HIP1: variants seen among roughly 807,000 people sequenced by gnomAD.
HIP1 encodes huntingtin interacting protein 1.
A neutral mutation model predicts 147.6 loss-of-function variants in HIP1; 65 were observed. That is an observed-to-expected ratio of 0.44 (90% CI 0.36 to 0.54). The LOEUF (loss-of-function observed/expected upper bound fraction) is 0.54, where lower values mean the gene tolerates loss of function less well. Ranked by LOEUF, HIP1 falls within the 20% of genes least tolerant of loss-of-function variation. HIP1 has a pLI of 0.00. For missense variants in HIP1, 1,061 were observed against 1,299.6 expected, an observed-to-expected ratio of 0.82 and a Z score of 2.82; for synonymous variants, 479 against 504.0, an observed-to-expected ratio of 0.95 and a Z score of 0.67.
In HIP1 at chr7:75,538,180, T is replaced by G; in HGVS notation, c.3106A>C (p.Lys1036Gln). The change falls in exon 31 of 31, where the codon AAA becomes CAA. Residue 1036 changes from lysine (K) to glutamine (Q), a missense_variant. Lys to Gln is a moderately conservative substitution (Grantham distance 53). Transcript: ENST00000336926. ...PPTLQEVVTEKE is the reference protein window; with the variant it reads ...PPTLQEVVTEQE The stretch of plus-strand genomic sequence containing the variant: ...GGGGTGTTGGTTTGGCTCTATTCTT[T>G]TTCGGTTACCACTTCTTGCAGTGTA... 1 of 1,612,570 alleles carries G rather than the reference T, an allele frequency of 6.2e-7. No homozygotes were observed. The highest frequency in any genetic ancestry group is 8.5e-7 in the Non-Finnish European group (1 of 1,178,668).
chr7:75,616,085 C>CAAAAAAAAAAAAAAAAAAAA (rs71098042), intron 1 of HIP1, among the ~76,000 whole-genome samples: 5 of 35,292 alleles, frequency 1.4e-4, no homozygotes, highest in Non-Finnish European at 2.1e-4. Flanking sequence ...GACTCTGTCT[C>CAAAAAAAAAAAAAAAAAAAA]AAAAAAAAAA....
chr7:75,558,145 T>C lies in HIP1; in HGVS notation c.1464+22A>G. The C allele has an allele frequency of 3.7e-6, 6 of 1,601,182 alleles. No individual in the cohort carries two copies. The South Asian group carries it at 6.6e-5, about 18-fold the overall frequency. On this transcript the variant is annotated intron_variant, in intron 15 of 30. Coordinates refer to ENST00000336926, the MANE Select transcript of HIP1 (RefSeq NM_005338.7). ...TAGAGGTGCAGGGCCTGCAGGATGG[T>C]GACAGGGGCTGAGGGTCTTACCTTC...
intron 1 of HIP1, among the ~76,000 whole-genome samples, chr7:75,606,808 C>T (rs1554503903): frequency 6.6e-6 from 1 of 152,014 alleles, no homozygotes; most frequent in Non-Finnish European, 1.5e-5. Flanking sequence ...TAGACCAGGC[C>T]CCTTTGTATG....
At chr7:75,580,061 C>G (rs1290944566) in intron 7 of HIP1, among the ~76,000 whole-genome samples, 1 of 152,196 alleles carries the variant, frequency 6.6e-6, no homozygotes, top group Non-Finnish European at 1.5e-5. Context: ...GGAGGCACCA[C>G]AGTTCTTGGC....
chr7:75,682,095 G>T lies in HIP1; in HGVS notation c.120+56706C>A, dbSNP rs193145464. 8.8e-4 allele frequency among the ~76,000 whole-genome samples: 120 copies of T among 135,818 alleles called. No individual in the cohort carries two copies. The Middle Eastern group carries it at 0.014, about 15-fold the overall frequency. 89.1% of individuals were successfully genotyped at this position (135,818 alleles called of 152,430 possible). A position where few individuals can be genotyped will look rare whatever the true frequency, so the allele number is the denominator to read the frequency against. On this transcript the variant is annotated intron_variant, in intron 1 of 30. Transcript: ENST00000336926. ...CCAGGCTGGAGTGCAATGGTACCTG[G>T]GATTACGGGCACACCACCACACCCA...
chr7:75,675,423 A>T (rs1428385502), intron 1 of HIP1, among the ~76,000 whole-genome samples: 2 of 151,260 alleles, frequency 1.3e-5, no homozygotes, highest in Admixed American at 1.3e-4. Context: ...CTGGTCTCAA[A>T]CTCCTGATCT....
chr7:75,547,858 G>C lies in HIP1; in HGVS notation c.2407-45C>G, dbSNP rs1554491327. On this transcript the variant is annotated intron_variant, in intron 23 of 30. Transcript: ENST00000336926. ...TTTCTAAATGTGCCTTGAATATTAA[G>C]GATCCACTAATGTCTTACTATACTT... 3 of 1,531,388 alleles carry C rather than the reference G, an allele frequency of 2.0e-6. No homozygotes were observed. In the South Asian group the frequency reaches 3.4e-5, roughly 17 times the overall value. 94.9% of individuals were successfully genotyped at this position (1,531,388 alleles called of 1,614,324 possible).
rs797037259 is a variant in HIP1, at chr7:75,606,575, CA to C, written c.121-7329del. Among the ~76,000 whole-genome samples, 641 of 131,186 alleles carry C rather than the reference CA, an allele frequency of 4.9e-3. 2 individuals carry two copies. Among genetic ancestry groups the C allele is most frequent in the Non-Finnish European group, 3.8e-3 (232 of 60,512 alleles). The allele number at this position is 131,186 out of a possible 152,430, so 86.1% of individuals were successfully genotyped here. ...TGGGCGACAGAGTGAGACTCCGTCT[CA>C]AAAAAAAAAAAGATGATGCAGAGGC... On this transcript the variant is annotated intron_variant, in intron 1 of 30. Transcript: ENST00000336926.
At chr7:75,660,041 G>A (rs562421783) in intron 1 of HIP1, among the ~76,000 whole-genome samples, 6 of 151,674 alleles carry the variant, frequency 4.0e-5, no homozygotes, top group Admixed American at 6.6e-5. Context: ...CGGAAGAATC[G>A]CGTGAACCGG....
Position 75,554,509 on chromosome 7 carries a change from C to T in HIP1, c.1981G>A (p.Val661Ile). 2 of 1,613,590 alleles carry T rather than the reference C, an allele frequency of 1.2e-6. No individual in the cohort carries two copies. The highest frequency in any genetic ancestry group is 1.7e-6 in the Non-Finnish European group (2 of 1,179,768). Reference sequence around the variant, plus strand: ...TCGATGCAGCTGGAAATGGATGTGACCGTGGAGAGGAGGTGATCTGTGAGA... The same window carrying T: ...TCGATGCAGCTGGAAATGGATGTGATCGTGGAGAGGAGGTGATCTGTGAGA... Reference protein sequence around the residue: ...AGSADHLLSTVTSISSCIEQL... With the variant: ...AGSADHLLSTITSISSCIEQL... The change falls in exon 20 of 31, where the codon GTC (valine) becomes ATC (isoleucine). Residue 661 changes from valine (V) to isoleucine (I), a missense_variant. By Grantham distance (29) the Val-to-Ile change is conservative. Around this residue, in one of 3 missense-constraint regions of HIP1, gnomAD observed 810 missense variants for 946.8 expected, o/e 0.86. Coordinates refer to ENST00000336926, the MANE Select transcript of HIP1 (RefSeq NM_005338.7).
intron 1 of HIP1, among the ~76,000 whole-genome samples, chr7:75,666,583 T>A (rs1377291552): frequency 6.6e-6 from 1 of 152,174 alleles, no homozygotes; most frequent in East Asian, 1.9e-4. Context: ...CACTGCGTGG[T>A]CTTCTACAGC....
At position 75,559,725 on chromosome 7, in the gene HIP1, C is replaced by T. The variant is rs782160031; in HGVS notation, c.1375+7G>A. The stretch of plus-strand genomic sequence containing the variant: ...GGGGCCCGCCCCCGCCCCCACCCAC[C>T]GCTCACTTTCTATCTCAGACAGGCT... On this transcript the variant is annotated splice_region_variant and intron_variant, in intron 14 of 30. Coordinates refer to ENST00000336926, the MANE Select transcript of HIP1 (RefSeq NM_005338.7). 36 of 1,514,094 alleles carry T rather than the reference C, an allele frequency of 2.4e-5. No homozygotes were observed. The highest frequency in any genetic ancestry group is 1.6e-4 in the Admixed American group (7 of 43,058). 93.8% of individuals were successfully genotyped at this position (1,514,094 alleles called of 1,614,324 possible). A position where few individuals can be genotyped will look rare whatever the true frequency, so the allele number is the denominator to read the frequency against.
intron 1 of HIP1, among the ~76,000 whole-genome samples, chr7:75,604,734 C>T (rs780329049): frequency 1.3e-5 from 2 of 152,046 alleles, no homozygotes; most frequent in Non-Finnish European, 2.9e-5. Context: ...GTAGAAACTG[C>T]TTCAGGGCCT....
intron 1 of HIP1, among the ~76,000 whole-genome samples, chr7:75,646,514 T>C (rs1390839259): frequency 2.0e-5 from 3 of 152,272 alleles, no homozygotes; most frequent in African/African-American, 7.2e-5. Flanking sequence ...TCCTCTCTGA[T>C]GCTCCCAGCG....
intron 1 of HIP1, among the ~76,000 whole-genome samples, chr7:75,631,876 G>A (rs1477265466): frequency 1.3e-5 from 2 of 152,004 alleles, no homozygotes; most frequent in Non-Finnish European, 2.9e-5. Flanking sequence ...ACCCAGCTGC[G>A]CGTGTGTTGT....
At chr7:75,668,920 C>T (rs1200011170) in intron 1 of HIP1, among the ~76,000 whole-genome samples, 5 of 152,112 alleles carry the variant, frequency 3.3e-5, no homozygotes, top group Non-Finnish European at 7.4e-5. Flanking sequence ...TTTTCATCAC[C>T]CCAAAAAGAA....
intron 1 of HIP1, among the ~76,000 whole-genome samples, chr7:75,622,170 G>A (rs1008902254): frequency 6.6e-6 from 1 of 151,928 alleles, no homozygotes; most frequent in East Asian, 1.9e-4. Context: ...CAGCTGACTC[G>A]GGAGGCTAAG....
intron 12 of HIP1, among the ~76,000 whole-genome samples, 200 bp downstream of exon 12, chr7:75,561,873 C>A (rs1390354810): frequency 2.0e-5 from 3 of 152,172 alleles, no homozygotes; most frequent in Non-Finnish European, 2.9e-5. Context: ...TCTTAAACTC[C>A]TGGCCTTAAA....
chr7:75,599,394 C>A (rs1391029033), intron 1 of HIP1, 147 bp from the exon 2 acceptor site: 5 of 642,550 alleles, frequency 7.8e-6, no homozygotes, highest in African/African-American at 1.8e-5. Context: ...TGCAGGCGCC[C>A]AGCTGGGGGC....
Sources: gnomAD v4.1 joint callset for allele counts (sites outside exome capture counted in the v4.1 genomes callset) on GRCh38, gnomAD v4.1.1 for gene constraint, gnomAD v4.1.1 regional missense constraint, MANE v1.5 for transcripts, NCBI Gene and HGNC (gene_info 2026-07-23, HGNC 2026-07-21) for gene names.